The following AP3M1 variants were observed in gnomAD, a reference collection of about 807,000 sequenced individuals.
AP3M1 encodes adaptor related protein complex 3 subunit mu 1, also known as AP-3 complex subunit mu-1.
Under a neutral mutation model 42.6 loss-of-function variants are expected in AP3M1, and 29 were observed. The observed-to-expected ratio is 0.68, with a 90% CI of 0.51 to 0.93. The LOEUF (loss-of-function observed/expected upper bound fraction) is 0.93, where lower values mean the gene tolerates loss of function less well. Among genes scored for constraint, AP3M1 ranks in the 40% least tolerant of loss-of-function variants. AP3M1 has a pLI of 0.00. For missense variants in AP3M1, 416 were observed against 510.2 expected (o/e 0.82, Z 1.78); for synonymous variants, 178 against 175.3 (o/e 1.02, Z -0.12).
At chr10:74,145,398 G>A (rs1267273707) in intron 1 of AP3M1, among the ~76,000 whole-genome samples, 2 of 152,176 alleles carry the variant, frequency 1.3e-5, no homozygotes, top group African/African-American at 2.4e-5. Flanking sequence ...ACACTTGTAA[G>A]TTCTCGACTG....
intron 4 of AP3M1, 36 bp downstream of exon 4, chr10:74,133,991 G>GT: frequency 6.2e-7 from 1 of 1,609,478 alleles, no homozygotes; most frequent in Non-Finnish European, 8.5e-7. Context: ...CAGATGAATT[G>GT]TTTTTCCCCA....
rs1484909620 is a variant in AP3M1 at position 74,138,049 on chromosome 10, G to A, written c.273+58C>T. 4 of 1,525,004 alleles carry A rather than the reference G, an allele frequency of 2.6e-6. No homozygotes were observed. The East Asian group carries it at 9.1e-5, about 35-fold the overall frequency. The allele number at this position is 1,525,004 out of a possible 1,614,324, so 94.5% of individuals were successfully genotyped here. On this transcript the variant is annotated intron_variant, in intron 2 of 8. Coordinates refer to ENST00000355264, the MANE Select transcript of AP3M1 (RefSeq NM_012095.6). Reference sequence around the variant, plus strand: ...CTGGGTAATTAAATAATATAATCATGTCTCACCTTCAGCTAACTTGGGTCA... The same window carrying A: ...CTGGGTAATTAAATAATATAATCATATCTCACCTTCAGCTAACTTGGGTCA...
intron 4 of AP3M1, among the ~76,000 whole-genome samples, chr10:74,133,810 A>G (rs536038067): frequency 5.9e-5 from 9 of 151,844 alleles, no homozygotes; most frequent in Middle Eastern, 6.8e-3. Flanking sequence ...GCGCGCCACC[A>G]TGCCCGGCTA....
chr10:74,146,452 T>A (rs146117373), intron 1 of AP3M1, among the ~76,000 whole-genome samples: 13 of 152,122 alleles, frequency 8.5e-5, no homozygotes, highest in African/African-American at 2.6e-4. Context: ...GGGAGATGAG[T>A]GGTGATGGCC....
At chr10:74,128,228 C>T (rs1347741737) in intron 6 of AP3M1, among the ~76,000 whole-genome samples, 1 of 150,104 alleles carries the variant, frequency 6.7e-6, no homozygotes, top group Non-Finnish European at 1.5e-5. Flanking sequence ...CCTATAACTC[C>T]GATCCCCAAT....
intron 1 of AP3M1, among the ~76,000 whole-genome samples, chr10:74,148,691 G>C (rs1398897581): frequency 6.6e-6 from 1 of 151,884 alleles, no homozygotes; most frequent in African/African-American, 2.4e-5. Flanking sequence ...TGAGTAGCTA[G>C]GACTACAACC....
intron 5 of AP3M1, among the ~76,000 whole-genome samples, chr10:74,129,524 A>G (rs975799494): frequency 6.6e-6 from 1 of 152,242 alleles, no homozygotes; most frequent in African/African-American, 2.4e-5. Context: ...GTCAGAGCAA[A>G]CTGGTGACAA....
In AP3M1 at chr10:74,138,325, G is replaced by A; in HGVS notation, c.55C>T (p.His19Tyr). 1.2e-6 allele frequency: 2 copies of A among 1,614,096 alleles called. No individual in the cohort carries two copies. Among genetic ancestry groups the A allele is most frequent in the Non-Finnish European group, 1.7e-6 (2 of 1,179,970 alleles). The change falls in exon 2 of 9, where the codon CAC becomes TAC. Residue 19 changes from histidine to tyrosine, a missense_variant. Physicochemically the swap from His to Tyr is moderately conservative, Grantham distance 83. Coordinates refer to ENST00000355264, the MANE Select transcript of AP3M1 (RefSeq NM_012095.6). ...NCSGDIFLEKHWKSVVSQSVC... is the reference protein window; with the variant it reads ...NCSGDIFLEKYWKSVVSQSVC... ...GACTGGCTCACAACGCTCTTCCAGT[G>A]CTTCTCTAGAAATATGTCACCGGAA...
At chr10:74,149,822 C>T (rs1168103239) in intron 1 of AP3M1, among the ~76,000 whole-genome samples, 4 of 152,170 alleles carry the variant, frequency 2.6e-5, no homozygotes, top group African/African-American at 4.8e-5. Context: ...CCAAACTTTC[C>T]CCCACCTTGC....
At chr10:74,130,023 ATCAATGGAATATGAGTCT>A in intron 4 of AP3M1, 31 bp from the exon 5 acceptor site, 4 of 1,350,082 alleles carry the variant, frequency 3.0e-6, no homozygotes, top group Non-Finnish European at 4.2e-6. Flanking sequence ...GGAAGATAAC[ATCAATGGAATATGAGTCT>A]TCACTAGACC....
rs377469778 is a variant in AP3M1, at chr10:74,143,188, T to C, written c.-3-4806A>G. Among the ~76,000 whole-genome samples, 50 of 152,296 alleles carry C rather than the reference T, an allele frequency of 3.3e-4. 1 individual carries two copies. The Middle Eastern group carries it at 0.01, about 31-fold the overall frequency. ...CAGCATGGCAAAACCCTGTCTCTAC[T>C]AAAAATACAAAAATTAGCCGGGCAT... On this transcript the variant is annotated intron_variant, in intron 1 of 8. Coordinates refer to ENST00000355264, the MANE Select transcript of AP3M1 (RefSeq NM_012095.6).
intron 6 of AP3M1, among the ~76,000 whole-genome samples, chr10:74,126,686 G>A (rs546328939): frequency 2.0e-4 from 30 of 151,968 alleles, no homozygotes; most frequent in South Asian, 2.1e-4. Flanking sequence ...ATGAAACCTC[G>A]TCTCTACAAA....
rs1840433813 is a variant in AP3M1 at position 74,120,961 on chromosome 10, C to A, written c.*2849G>T. ...GAAACACTGACTAAAATAGTAGGAG[C>A]AGGTTTTTAGAGTAGAGTTGGGACA... is the stretch of plus-strand genomic sequence containing the variant. On this transcript the variant is annotated 3_prime_UTR_variant, in exon 9 of 9. Coordinates refer to ENST00000355264, the MANE Select transcript of AP3M1 (RefSeq NM_012095.6). The A allele has an allele frequency of 6.6e-6, 1 of 152,194 alleles. No homozygotes were observed. The highest frequency in any genetic ancestry group is 1.5e-5 in the Non-Finnish European group (1 of 68,050). The allele number at this position is 152,194 out of a possible 1,614,324, so 9.4% of individuals were successfully genotyped here. A position where few individuals can be genotyped will look rare whatever the true frequency, so the allele number is the denominator to read the frequency against.
Position 74,129,122 on chromosome 10 carries a change from A to G in AP3M1, c.789T>C (p.Arg263=). 6.2e-7 allele frequency: 1 copy of G among 1,614,100 alleles called. No homozygotes were observed. Among genetic ancestry groups the G allele is most frequent in the South Asian group, 1.1e-5 (1 of 91,084 alleles). Reference sequence around the variant, plus strand: ...CATCAACATACTTTTGTGAGCTGACACGGTATGATATGAGTCGGAAATTTC... The same window carrying G: ...CATCAACATACTTTTGTGAGCTGACGCGGTATGATATGAGTCGGAAATTTC... ...PDGNFRLISY[R]VSSQNLVAIP... is the part of the protein sequence containing the mutation. The change falls in exon 6 of 9, where the codon CGT becomes CGC. Residue 263 remains arginine (R), a synonymous_variant. Coordinates refer to ENST00000355264, the MANE Select transcript of AP3M1 (RefSeq NM_012095.6).
At position 74,121,567 on chromosome 10, in the gene AP3M1, T is replaced by C. The variant is rs1211176108; in HGVS notation, c.*2243A>G. The C allele has an allele frequency of 6.6e-6, 1 of 152,226 alleles. No homozygotes were observed. Among genetic ancestry groups the C allele is most frequent in the African/African-American group, 2.4e-5 (1 of 41,462 alleles). 9.4% of individuals were successfully genotyped at this position (152,226 alleles called of 1,614,324 possible). Reference sequence around the variant, plus strand: ...CTAATCTCTCAGACTGTGGCCAGAATGGTGATGCTTAAGCCAAGTATGAAT... The same window carrying C: ...CTAATCTCTCAGACTGTGGCCAGAACGGTGATGCTTAAGCCAAGTATGAAT... On this transcript the variant is annotated 3_prime_UTR_variant, in exon 9 of 9. Coordinates refer to ENST00000355264, the MANE Select transcript of AP3M1 (RefSeq NM_012095.6).
intron 6 of AP3M1, among the ~76,000 whole-genome samples, chr10:74,127,482 A>T (rs527513942): frequency 7.0e-6 from 1 of 142,196 alleles, no homozygotes; most frequent in East Asian, 2.0e-4. Flanking sequence ...CCTCTCTAAT[A>T]AAAAAAAAAA....
At chr10:74,144,661 T>G (rs957316095) in intron 1 of AP3M1, among the ~76,000 whole-genome samples, 1 of 151,696 alleles carries the variant, frequency 6.6e-6, no homozygotes, top group African/African-American at 2.4e-5. Context: ...TGCTTTAGCT[T>G]ATGATTTTTT....
At chr10:74,129,759 G>T (rs1840720235) in intron 5 of AP3M1, 148 bp downstream of exon 5, 8 of 639,558 alleles carry the variant, frequency 1.3e-5, no homozygotes, top group Middle Eastern at 2.7e-4. Flanking sequence ...TCATGTAAGC[G>T]ACTGTCTTAG....
chr10:74,139,176 T>C (rs937889453), intron 1 of AP3M1, among the ~76,000 whole-genome samples: 3 of 151,894 alleles, frequency 2.0e-5, no homozygotes, highest in African/African-American at 4.8e-5. Context: ...CTGTAGAAGA[T>C]ACAATCTTAT....
Sources: allele counts gnomAD v4.1 joint callset (sites outside exome capture counted in the v4.1 genomes callset), GRCh38; gene constraint gnomAD v4.1.1; transcripts MANE v1.5; gene names NCBI Gene and HGNC (gene_info 2026-07-23, HGNC 2026-07-21).